UNC13C: variants seen among roughly 807,000 people sequenced by gnomAD.
UNC13C encodes protein unc-13 homolog C.
Under a neutral mutation model 245.4 loss-of-function variants are expected in UNC13C, and 174 were observed. The ratio of observed to expected loss-of-function variants is 0.71; its 90% CI spans 0.63 to 0.80. UNC13C has a LOEUF of 0.80. Among genes scored for constraint, UNC13C ranks in the 30% least tolerant of loss-of-function variants. The pLI is 0.00. For missense variants in UNC13C, 2,829 were observed against 2,602.9 expected (o/e 1.09, Z -1.89); for synonymous variants, 992 against 895.1 (o/e 1.11, Z -1.93).
At chr15:54,463,182 A>T (rs1567296860) in intron 19 of UNC13C, among the ~76,000 whole-genome samples, 1 of 146,716 alleles carries the variant, frequency 6.8e-6, no homozygotes, top group African/African-American at 2.5e-5. Context: ...ACCAGTCAGC[A>T]CCCTGTCAAA....
chr15:54,410,494 G>C (rs1159830195), intron 18 of UNC13C, among the ~76,000 whole-genome samples: 1 of 151,818 alleles, frequency 6.6e-6, no homozygotes, highest in Admixed American at 6.6e-5. Flanking sequence ...GGTTCTTATA[G>C]TTTCCAGTTT....
the UNC13C span, among the ~76,000 whole-genome samples, chr15:53,960,637 A>G: frequency 1.3e-5 from 2 of 152,210 alleles, no homozygotes; most frequent in South Asian, 2.1e-4. Flanking sequence ...ATTAAATAGT[A>G]ACTAACCACT....
At chr15:54,584,343 G>A (rs775551082) in intron 30 of UNC13C, among the ~76,000 whole-genome samples, 4 of 152,064 alleles carry the variant, frequency 2.6e-5, no homozygotes, top group Non-Finnish European at 4.4e-5. Context: ...GTTATGCCTC[G>A]TTTCATTTCA....
At chr15:54,597,403 A>G (rs1899147455) in intron 30 of UNC13C, among the ~76,000 whole-genome samples, 2 of 152,160 alleles carry the variant, frequency 1.3e-5, no homozygotes, top group Admixed American at 6.5e-5. Context: ...TGGTAGGAAG[A>G]TATTCCACCG....
chr15:54,149,428 T>C (rs765478655), intron 4 of UNC13C, among the ~76,000 whole-genome samples: 10 of 152,210 alleles, frequency 6.6e-5, no homozygotes, highest in Admixed American at 5.2e-4. Flanking sequence ...TTAACAGATG[T>C]AAACAGGGCC....
chr15:53,875,144 T>G, the UNC13C span, among the ~76,000 whole-genome samples: 42,910 of 152,088 alleles, frequency 0.28, 6,237 homozygotes, highest in Middle Eastern at 0.38. Context: ...CACATCTATT[T>G]TAAGTACATT....
intron 31 of UNC13C, 120 bp from the exon 32 acceptor site, chr15:54,623,675 T>C (rs1309974451): frequency 1.2e-6 from 1 of 834,530 alleles, no homozygotes; most frequent in Non-Finnish European, 1.9e-6. Flanking sequence ...TGGAGTACAG[T>C]GTCTTGTCAG....
At chr15:54,051,636 C>CTTTA (rs202229715) in intron 2 of UNC13C, among the ~76,000 whole-genome samples, 1,925 of 151,036 alleles carry the variant, frequency 0.013, 13 homozygotes, top group Non-Finnish European at 0.016. Context: ...GTTATACAGA[C>CTTTA]TTTATTTATT....
At chr15:54,194,629 C>A (rs557337018) in intron 4 of UNC13C, among the ~76,000 whole-genome samples, 3 of 151,954 alleles carry the variant, frequency 2.0e-5, no homozygotes. Flanking sequence ...AATTTAAGTG[C>A]GAGATCTGGG....
rs139938323 is a variant in UNC13C, at chr15:54,007,677, T to G, written c.-256-4971T>G. ...AAATGTGTGCTAGGCTTAATACCTA[T>G]GTAATGGGTTGACAGGTGTAGCAAA... On this transcript the variant is annotated intron_variant, in intron 1 of 32. Transcript: ENST00000260323. 1.5e-3 allele frequency among the ~76,000 whole-genome samples: 222 copies of G among 152,264 alleles called. 1 individual carries two copies. The highest frequency in any genetic ancestry group is 5.2e-3 in the African/African-American group (216 of 41,532).
At chr15:54,613,470 A>C (rs1900235258) in intron 30 of UNC13C, among the ~76,000 whole-genome samples, 1 of 151,914 alleles carries the variant, frequency 6.6e-6, no homozygotes, top group South Asian at 2.1e-4. Context: ...AACATGGATA[A>C]ACCTCAAACA....
intron 2 of UNC13C, among the ~76,000 whole-genome samples, chr15:54,018,407 T>A (rs1895754646): frequency 6.6e-6 from 1 of 152,228 alleles, no homozygotes; most frequent in Non-Finnish European, 1.5e-5. Context: ...CACATTTGAA[T>A]TATTTATTTC....
At chr15:54,386,219 T>C (rs1404340371) in intron 17 of UNC13C, among the ~76,000 whole-genome samples, 1 of 152,160 alleles carries the variant, frequency 6.6e-6, no homozygotes, top group East Asian at 1.9e-4. Flanking sequence ...AAGATAACCC[T>C]CAGTTTACTT....
chr15:53,933,172 G>A, the UNC13C span, among the ~76,000 whole-genome samples: 1 of 152,202 alleles, frequency 6.6e-6, no homozygotes, highest in Middle Eastern at 3.4e-3. Flanking sequence ...AATTAGGATA[G>A]CATCCTGTTC....
intron 17 of UNC13C, among the ~76,000 whole-genome samples, chr15:54,376,738 G>T (rs557901395): frequency 9.9e-5 from 15 of 152,182 alleles, no homozygotes; most frequent in African/African-American, 3.1e-4. Context: ...TCTATGCTCT[G>T]CTTCTCTGAG....
At chr15:54,222,500 A>T (rs2035255785) in intron 4 of UNC13C, among the ~76,000 whole-genome samples, 2 of 152,080 alleles carry the variant, frequency 1.3e-5, no homozygotes, top group Non-Finnish European at 2.9e-5. Context: ...CTGATGATGG[A>T]CATTTAGGTT....
At chr15:54,599,443 G>A (rs1373361214) in intron 30 of UNC13C, among the ~76,000 whole-genome samples, 1 of 151,914 alleles carries the variant, frequency 6.6e-6, no homozygotes, top group Non-Finnish European at 1.5e-5. Context: ...TATTTCTTCA[G>A]TATCTGCTTG....
intron 13 of UNC13C, among the ~76,000 whole-genome samples, chr15:54,311,017 A>T (rs538929156): frequency 1.3e-5 from 2 of 151,892 alleles, no homozygotes; most frequent in Admixed American, 1.3e-4. Context: ...CAAGTTCAAC[A>T]TAGACTATTG....
chr15:53,963,649 G>C, the UNC13C span, among the ~76,000 whole-genome samples: 7,126 of 152,142 alleles, frequency 0.047, 269 homozygotes, highest in African/African-American at 0.1. Context: ...ATAATAATGT[G>C]TATAAGAGGA....
Sources: allele counts gnomAD v4.1 joint callset (sites outside exome capture counted in the v4.1 genomes callset), GRCh38; gene constraint gnomAD v4.1.1; transcripts MANE v1.5; gene names NCBI Gene and HGNC (gene_info 2026-07-23, HGNC 2026-07-21).